Variants in PRR16 observed in about 807,000 individuals in gnomAD.
PRR16 encodes the protein protein Largen.
PRR16 carries 6 observed loss-of-function variants against 18.2 expected under a neutral mutation model. That is an observed-to-expected ratio of 0.33 (90% CI 0.18 to 0.65). The LOEUF (loss-of-function observed/expected upper bound fraction) is 0.65. Among genes scored for constraint, PRR16 ranks in the 30% least tolerant of loss-of-function variants. The pLI is 0.74. For missense variants in PRR16, 412 were observed against 376.6 expected (o/e 1.09, Z -0.78); for synonymous variants, 151 against 147.8 (o/e 1.02, Z -0.16).
At chr5:120,760,141 T>G in the PRR16 span, among the ~76,000 whole-genome samples, 1 of 152,152 alleles carries the variant, frequency 6.6e-6, no homozygotes, top group East Asian at 1.9e-4. Context: ...AATTGAATAA[T>G]TAAGCAAATG....
chr5:120,789,962 G>A, the PRR16 span: 4 of 152,030 alleles, frequency 2.6e-5, no homozygotes, highest in Admixed American at 2.6e-4. Context: ...AGCTCCTTCA[G>A]GTTGGAAGGA....
chr5:120,754,516 T>C, the PRR16 span, among the ~76,000 whole-genome samples: 1 of 110,024 alleles, frequency 9.1e-6, no homozygotes, highest in Non-Finnish European at 1.7e-5. Context: ...GTATATTATA[T>C]ATTATATATT....
At chr5:120,699,129 C>G in the PRR16 span, among the ~76,000 whole-genome samples, 5 of 151,812 alleles carry the variant, frequency 3.3e-5, no homozygotes, top group African/African-American at 9.7e-5. Flanking sequence ...GGCAAATCCT[C>G]GAGCTTGATG....
At chr5:120,678,102 C>T (rs963724170) in intron 1 of PRR16, among the ~76,000 whole-genome samples, 11 of 151,926 alleles carry the variant, frequency 7.2e-5, no homozygotes, top group African/African-American at 2.4e-4. Flanking sequence ...GTAGAGACGG[C>T]GTTTAGCCGT....
chr5:120,768,239 T>C, the PRR16 span, among the ~76,000 whole-genome samples: 1 of 151,852 alleles, frequency 6.6e-6, no homozygotes, highest in Admixed American at 6.6e-5. Flanking sequence ...TTTTCAGTGA[T>C]TGTAGATAGG....
At chr5:120,792,009 AT>A in the PRR16 span, among the ~76,000 whole-genome samples, 2 of 152,262 alleles carry the variant, frequency 1.3e-5, no homozygotes, top group African/African-American at 4.8e-5. Context: ...GATGATAGGC[AT>A]TGAAGTATAG....
intron 1 of PRR16, among the ~76,000 whole-genome samples, chr5:120,581,123 A>C (rs1009412024): frequency 6.6e-6 from 1 of 152,208 alleles, no homozygotes; most frequent in Non-Finnish European, 1.5e-5. Context: ...TATTTCTGGT[A>C]GAATTCACCT....
intron 1 of PRR16, among the ~76,000 whole-genome samples, chr5:120,518,945 C>T (rs886096411): frequency 1.3e-5 from 2 of 152,104 alleles, no homozygotes; most frequent in Admixed American, 6.6e-5. Flanking sequence ...CAGTAATAAA[C>T]TTATCTTGTT....
intron 1 of PRR16, among the ~76,000 whole-genome samples, chr5:120,647,791 G>A (rs1317911076): frequency 6.6e-6 from 1 of 152,008 alleles, no homozygotes; most frequent in East Asian, 1.9e-4. Context: ...TCATCTTCAT[G>A]CCATTTACTA....
At position 120,637,253 on chromosome 5, in the gene PRR16, C is replaced by A. The variant is rs532107416; in HGVS notation, c.160-48701C>A. ...ATTCCTTAAAGTACAAAAAGTAGAT[C>A]TATCATTTGATTCAGCAATCCTGCT... On this transcript the variant is annotated intron_variant, in intron 1 of 1. Transcript: ENST00000407149. Among the ~76,000 whole-genome samples the A allele has an allele frequency of 1.0e-4, 13 of 129,546 alleles. No homozygotes were observed. In the South Asian group the frequency reaches 3.3e-3, roughly 33 times the overall value. The allele number at this position is 129,546 out of a possible 152,430, so 85.0% of individuals were successfully genotyped here.
intron 1 of PRR16, among the ~76,000 whole-genome samples, chr5:120,592,625 TC>T (rs1753672216): frequency 6.6e-6 from 1 of 152,160 alleles, no homozygotes; most frequent in Non-Finnish European, 1.5e-5. Context: ...CTCTCCTTTG[TC>T]TTTGTTGCCC....
intron 1 of PRR16, among the ~76,000 whole-genome samples, chr5:120,624,945 C>T (rs927551729): frequency 3.3e-5 from 5 of 152,062 alleles, no homozygotes; most frequent in African/African-American, 1.2e-4. Flanking sequence ...AGCTCTCTTC[C>T]CTTGTCTGCC....
rs573198930 is a variant in PRR16 at position 120,686,756 on chromosome 5, CATAAA to C, written c.*52_*56del. The C allele has an allele frequency of 4.3e-4, 568 of 1,320,930 alleles. 2 individuals are homozygous for C. The African/African-American group carries it at 7.9e-3, about 18-fold the overall frequency. The allele number at this position is 1,320,930 out of a possible 1,614,324, so 81.8% of individuals were successfully genotyped here. A position where few individuals can be genotyped will look rare whatever the true frequency, so the allele number is the denominator to read the frequency against. ...TTTTTTTAATTTTCTATATTATAAA[CATAAA>C]ATAAGTAATGAGCACTTTCTACTCA... On this transcript the variant is annotated 3_prime_UTR_variant, in exon 2 of 2. Transcript: ENST00000407149.
At chr5:120,520,196 G>A (rs1237287872) in intron 1 of PRR16, among the ~76,000 whole-genome samples, 2 of 152,214 alleles carry the variant, frequency 1.3e-5, no homozygotes, top group Middle Eastern at 3.4e-3. Flanking sequence ...AGGCGTTCGA[G>A]ACCAGTCTGG....
At chr5:120,499,904 G>C (rs571511449) in intron 1 of PRR16, among the ~76,000 whole-genome samples, 1 of 152,064 alleles carries the variant, frequency 6.6e-6, no homozygotes, top group East Asian at 1.9e-4. Flanking sequence ...TCCCAGGAAC[G>C]TATAGAAGCT....
chr5:120,698,653 A>G, the PRR16 span, among the ~76,000 whole-genome samples: 3 of 152,066 alleles, frequency 2.0e-5, no homozygotes, highest in Non-Finnish European at 4.4e-5. Flanking sequence ...GGCCTAATAA[A>G]AAGGAGCGTC....
chr5:120,515,301 C>G (rs1210513368), intron 1 of PRR16, among the ~76,000 whole-genome samples: 1 of 152,140 alleles, frequency 6.6e-6, no homozygotes, highest in African/African-American at 2.4e-5. Flanking sequence ...CCAATCACCT[C>G]TTAAAGGTCC....
intron 1 of PRR16, among the ~76,000 whole-genome samples, chr5:120,634,980 A>G (rs1284794475): frequency 3.9e-5 from 6 of 152,198 alleles, no homozygotes; most frequent in Non-Finnish European, 8.8e-5. Flanking sequence ...CAAGGCTACT[A>G]TGAACATCTT....
At chr5:120,646,074 A>ATATATATATATATC (rs1475860368) in intron 1 of PRR16, among the ~76,000 whole-genome samples, 5 of 136,348 alleles carry the variant, frequency 3.7e-5, no homozygotes, top group East Asian at 2.1e-4. Flanking sequence ...ATATATATAT[A>ATATATATATATATC]TCATAGTTTC....
Sources: gnomAD v4.1 joint callset for allele counts (sites outside exome capture counted in the v4.1 genomes callset) on GRCh38, gnomAD v4.1.1 for gene constraint, MANE v1.5 for transcripts, NCBI Gene and HGNC (gene_info 2026-07-23, HGNC 2026-07-21) for gene names.